The following PCDHA9 variants were observed in gnomAD, a reference collection of about 807,000 sequenced individuals.
PCDHA9 encodes the protein protocadherin alpha 9, also known as protocadherin alpha-9.
PCDHA9 carries 62 observed loss-of-function variants against 62.0 expected under a neutral mutation model. The ratio of observed to expected loss-of-function variants is 1.00; its 90% CI spans 0.81 to 1.23. PCDHA9 has a LOEUF of 1.23. Among genes scored for constraint, PCDHA9 ranks in the 50% most tolerant of loss-of-function variants. The pLI, the probability that PCDHA9 is intolerant of heterozygous loss-of-function variation, is 0.00. For synonymous variants in PCDHA9, 557 were observed against 567.6 expected, an observed-to-expected ratio of 0.98 and a Z score of 0.27; for missense variants, 1,205 against 1,249.8, an observed-to-expected ratio of 0.96 and a Z score of 0.54.
intron 1 of PCDHA9, among the ~76,000 whole-genome samples, chr5:140,976,475 C>T (rs1160749030): frequency 1.3e-5 from 2 of 151,996 alleles, no homozygotes; most frequent in Non-Finnish European, 1.5e-5. Flanking sequence ...TGCTTGAATC[C>T]GGGAGGCAGA....
At chr5:140,855,112 C>T (rs2043341257) in intron 1 of PCDHA9, among the ~76,000 whole-genome samples, 1 of 149,738 alleles carries the variant, frequency 6.7e-6, no homozygotes, top group South Asian at 2.1e-4. Flanking sequence ...ATAATTAAGG[C>T]ATTCTATAGG....
At chr5:140,871,432 C>T (rs782382962) in intron 1 of PCDHA9, 1 of 1,612,926 alleles carries the variant, frequency 6.2e-7, no homozygotes, top group Non-Finnish European at 8.5e-7. Flanking sequence ...CAGTCTTCCT[C>T]TAGGTCTGAA....
intron 1 of PCDHA9, chr5:140,882,915 A>T: frequency 6.2e-7 from 1 of 1,614,228 alleles, no homozygotes; most frequent in Non-Finnish European, 8.5e-7. Context: ...ACAGCCAGTG[A>T]TGGAGGTAAA....
intron 1 of PCDHA9, among the ~76,000 whole-genome samples, chr5:140,873,080 C>G (rs1582109442): frequency 2.6e-5 from 4 of 151,946 alleles, no homozygotes; most frequent in Admixed American, 2.6e-4. Context: ...CTAGCTATTT[C>G]CCCCCCGTAT....
chr5:140,952,841 C>T (rs2094805193), intron 1 of PCDHA9, among the ~76,000 whole-genome samples: 1 of 152,102 alleles, frequency 6.6e-6, no homozygotes, highest in South Asian at 2.1e-4. Context: ...TGGCCATCTG[C>T]TTGTCTTCTG....
intron 3 of PCDHA9, among the ~76,000 whole-genome samples, chr5:140,989,272 T>C (rs1554250681): frequency 6.6e-6 from 1 of 152,204 alleles, no homozygotes. Flanking sequence ...AAGTTTCTGC[T>C]GGGGACATCT....
chr5:140,868,277 C>T (rs1261614987), intron 1 of PCDHA9: 2 of 151,614 alleles, frequency 1.3e-5, no homozygotes, highest in Non-Finnish European at 2.9e-5. Flanking sequence ...TTAAAACTAC[C>T]AAGTTTGAGA....
intron 1 of PCDHA9, chr5:140,927,596 G>A (rs374002981): frequency 2.5e-6 from 4 of 1,614,044 alleles, no homozygotes; most frequent in African/African-American, 2.7e-5. Context: ...GTATTTGAGC[G>A]CTCCGTATAC....
chr5:140,973,582 T>C lies in PCDHA9; in HGVS notation c.2395-5367T>C, dbSNP rs76146918. Among the ~76,000 whole-genome samples the C allele has an allele frequency of 4.6e-3, 708 of 152,364 alleles. 4 individuals are homozygous for C. The highest frequency in any genetic ancestry group is 0.016 in the African/African-American group (685 of 41,596). On this transcript the variant is annotated intron_variant, in intron 1 of 3. Coordinates refer to ENST00000532602, the MANE Select transcript of PCDHA9 (RefSeq NM_031857.2). ...TTTCCTCAATTTTTCTACAGACTGC[T>C]GAGCCAGATGGAATTATGGCTGAGC...
In PCDHA9 at chr5:140,961,268, T is replaced by C. The variant is rs116524101; in HGVS notation, c.2395-17681T>C. Reference sequence around the variant, plus strand: ...TATCCGAAGCTCCAGGAAGCTTCTTTTTACCATGGCTCTGTTTCTTGAGGT... The same window carrying C: ...TATCCGAAGCTCCAGGAAGCTTCTTCTTACCATGGCTCTGTTTCTTGAGGT... On this transcript the variant is annotated intron_variant, in intron 1 of 3. Coordinates refer to ENST00000532602, the MANE Select transcript of PCDHA9 (RefSeq NM_031857.2). Among the ~76,000 whole-genome samples the C allele has an allele frequency of 5.5e-3, 833 of 152,318 alleles. 9 individuals carry two copies. The highest frequency in any genetic ancestry group is 0.019 in the African/African-American group (777 of 41,562).
At chr5:140,851,813 A>G in intron 1 of PCDHA9, 1 of 954,990 alleles carries the variant, frequency 1.0e-6, no homozygotes, top group Non-Finnish European at 1.3e-6. Flanking sequence ...AATCCATAAG[A>G]CAGAAATCTG....
At chr5:140,917,665 T>C (rs1174470921) in intron 1 of PCDHA9, among the ~76,000 whole-genome samples, 4 of 152,220 alleles carry the variant, frequency 2.6e-5, no homozygotes, top group African/African-American at 9.6e-5. Flanking sequence ...AGGAAGTCCT[T>C]TCTCCATTGC....
At chr5:140,887,072 C>T (rs1270434147) in intron 1 of PCDHA9, among the ~76,000 whole-genome samples, 1 of 151,836 alleles carries the variant, frequency 6.6e-6, no homozygotes, top group African/African-American at 2.4e-5. Context: ...CAAATTCACT[C>T]AGCTTTTGTC....
chr5:140,979,408 G>GTT (rs558051720), intron 2 of PCDHA9, among the ~76,000 whole-genome samples: 2 of 147,646 alleles, frequency 1.4e-5, no homozygotes, highest in African/African-American at 2.5e-5. Context: ...TGTCTACCTT[G>GTT]TTTTTTTTTT....
intron 3 of PCDHA9, among the ~76,000 whole-genome samples, chr5:140,999,218 C>T (rs1410560466): frequency 6.6e-6 from 1 of 152,180 alleles, no homozygotes; most frequent in Non-Finnish European, 1.5e-5. Context: ...GGAAGTACTA[C>T]ATTTGAGAAT....
intron 3 of PCDHA9, among the ~76,000 whole-genome samples, chr5:141,001,849 T>G (rs889682000): frequency 6.6e-6 from 1 of 151,820 alleles, no homozygotes; most frequent in Non-Finnish European, 1.5e-5. Context: ...GAGAGAGAGG[T>G]TGATTAAATT....
intron 1 of PCDHA9, chr5:140,870,022 T>G (rs1554163715): frequency 6.2e-7 from 1 of 1,613,310 alleles, no homozygotes; most frequent in Admixed American, 1.7e-5. Context: ...CAATGGAACT[T>G]TAGATTATGA....
chr5:140,852,896 TG>T (rs2042516637), intron 1 of PCDHA9: 1 of 852,490 alleles, frequency 1.2e-6, no homozygotes, highest in Non-Finnish European at 1.4e-6. Context: ...TTTTTTTTTT[TG>T]AGTCAGAGTC....
chr5:140,962,389 G>A (rs551530521), intron 1 of PCDHA9, among the ~76,000 whole-genome samples: 3 of 152,170 alleles, frequency 2.0e-5, no homozygotes, highest in African/African-American at 4.8e-5. Context: ...TTAATATTAC[G>A]CAATCTGCCC....
Sources: allele counts gnomAD v4.1 joint callset (sites outside exome capture counted in the v4.1 genomes callset), GRCh38; gene constraint gnomAD v4.1.1; transcripts MANE v1.5; gene names NCBI Gene and HGNC (gene_info 2026-07-23, HGNC 2026-07-21).